The following RPS6KA6 variants were observed in gnomAD, a reference collection of about 807,000 sequenced individuals.
RPS6KA6 encodes ribosomal protein S6 kinase A6.
In RPS6KA6, 27 loss-of-function variants were observed where a neutral mutation model predicts 65.4. The observed-to-expected ratio is 0.41, with a 90% CI of 0.30 to 0.57. The LOEUF (loss-of-function observed/expected upper bound fraction) is 0.57. RPS6KA6 is among the 20% of genes least tolerant of loss of function. RPS6KA6 has a pLI of 0.24. For synonymous variants in RPS6KA6, 190 were observed against 184.2 expected (o/e 1.03, Z -0.26); for missense variants, 486 against 555.6 (o/e 0.87, Z 1.26).
At position 84,149,676 on chromosome X, in the gene RPS6KA6, C is replaced by G. The variant is rs770039571; in HGVS notation, c.259-1553G>C. Among the ~76,000 whole-genome samples, 109 of 111,176 alleles carry G rather than the reference C, an allele frequency of 9.8e-4. 1 individual carries two copies. The South Asian group carries it at 0.011, about 11-fold the overall frequency. On this transcript the variant is annotated intron_variant, in intron 3 of 21. Coordinates refer to ENST00000262752, the MANE Select transcript of RPS6KA6 (RefSeq NM_014496.5). ...AGGTCTCAACAGTGGGCTTAAAATA[C>G]TTAGCACACCATGCTATAAACAGAT...
At chrX:84,093,269 A>G (rs1216811870) in intron 20 of RPS6KA6, among the ~76,000 whole-genome samples, 1 of 112,150 alleles carries the variant, frequency 8.9e-6, no homozygotes, top group Non-Finnish European at 1.9e-5. Context: ...TAAATAATCT[A>G]TGTCTGATGG....
intron 20 of RPS6KA6, among the ~76,000 whole-genome samples, chrX:84,085,816 T>C (rs1016276842): frequency 2.7e-5 from 3 of 111,776 alleles, no homozygotes; most frequent in African/African-American, 9.8e-5. Context: ...CCTGGGCTTT[T>C]TTGGTTGGTA....
At chrX:84,088,398 G>A (rs1316804354) in intron 20 of RPS6KA6, among the ~76,000 whole-genome samples, 2 of 111,735 alleles carry the variant, frequency 1.8e-5, no homozygotes, top group East Asian at 5.7e-4. Flanking sequence ...TGGTTTGCTG[G>A]GGGACTGCTC....
In RPS6KA6 at chrX:84,173,401, C is replaced by G. The variant is rs768011160; in HGVS notation, c.82-9014G>C. On this transcript the variant is annotated intron_variant, in intron 1 of 21. Coordinates refer to ENST00000262752, the MANE Select transcript of RPS6KA6 (RefSeq NM_014496.5). ...ATTTCTTCATCTGTAAAATGAGCAACCTAGGATTGTCAGGATTCATACAAT... is the reference window on the plus strand; with the variant it reads ...ATTTCTTCATCTGTAAAATGAGCAAGCTAGGATTGTCAGGATTCATACAAT... Among the ~76,000 whole-genome samples the G allele has an allele frequency of 2.7e-5, 3 of 111,494 alleles. No individual in the cohort carries two copies. In the South Asian group the frequency reaches 1.1e-3, roughly 42 times the overall value.
At chrX:84,167,703 G>A (rs2035620036) in intron 1 of RPS6KA6, among the ~76,000 whole-genome samples, 1 of 111,158 alleles carries the variant, frequency 9.0e-6, no homozygotes, top group Non-Finnish European at 1.9e-5. Flanking sequence ...AAACTAAAAG[G>A]AATGGAGAAG....
In RPS6KA6 at chrX:84,060,702, A is replaced by G. The variant is rs1458606364; in HGVS notation, c.*3575T>C. 4.5e-5 allele frequency: 5 copies of G among 111,228 alleles called. No individual in the cohort carries two copies. Among genetic ancestry groups the G allele is most frequent in the Non-Finnish European group, 9.4e-5 (5 of 53,005 alleles). The allele number at this position is 111,228 out of a possible 1,213,427, so 9.2% of individuals were successfully genotyped here. ...AAGGAAGTAGGAAGGAAATTGTGCA[A>G]AAAAAGAAACAGTTTATTAGATACT... is the stretch of plus-strand genomic sequence containing the variant. On this transcript the variant is annotated 3_prime_UTR_variant, in exon 22 of 22. Coordinates refer to ENST00000262752, the MANE Select transcript of RPS6KA6 (RefSeq NM_014496.5).
intron 8 of RPS6KA6, among the ~76,000 whole-genome samples, chrX:84,133,551 CA>C (rs1175019715): frequency 1.8e-5 from 2 of 110,971 alleles, no homozygotes; most frequent in Non-Finnish European, 3.8e-5. Flanking sequence ...ACACTAAATA[CA>C]AATAAACTTG....
At chrX:84,179,889 A>G (rs954664414) in intron 1 of RPS6KA6, among the ~76,000 whole-genome samples, 1 of 112,206 alleles carries the variant, frequency 8.9e-6, no homozygotes, top group Non-Finnish European at 1.9e-5. Context: ...TTCATTCATC[A>G]CTGCATCTAC....
intron 20 of RPS6KA6, among the ~76,000 whole-genome samples, chrX:84,086,756 A>G (rs763505307): frequency 1.8e-5 from 2 of 110,453 alleles, no homozygotes; most frequent in South Asian, 7.7e-4. Flanking sequence ...ATATTGTCAC[A>G]GGAGTTCTAA....
At position 84,060,038 on chromosome X, in the gene RPS6KA6, T is replaced by A. The variant is rs1048512349; in HGVS notation, c.*4239A>T. On this transcript the variant is annotated 3_prime_UTR_variant, in exon 22 of 22. Coordinates refer to ENST00000262752, the MANE Select transcript of RPS6KA6 (RefSeq NM_014496.5). ...AAACTGAATTTTAGGTGATCAAGCA[T>A]AACATTTTATTGAAAGTATATGATG... is the stretch of plus-strand genomic sequence containing the variant. 8.9e-6 allele frequency: 1 copy of A among 111,827 alleles called. No individual in the cohort carries two copies. Among genetic ancestry groups the A allele is most frequent in the Non-Finnish European group, 1.9e-5 (1 of 53,168 alleles). The allele number at this position is 111,827 out of a possible 1,213,427, so 9.2% of individuals were successfully genotyped here.
At chrX:84,064,906 T>C in intron 21 of RPS6KA6, 65 bp downstream of exon 21, 2 of 816,606 alleles carry the variant, frequency 2.4e-6, no homozygotes, top group Non-Finnish European at 1.8e-6. Context: ...CATCAGCAAG[T>C]GGCACACAAT....
intron 9 of RPS6KA6, among the ~76,000 whole-genome samples, chrX:84,118,713 C>G (rs1195115212): frequency 9.0e-6 from 1 of 111,589 alleles, no homozygotes; most frequent in Admixed American, 9.5e-5. Flanking sequence ...AATTTGCTAC[C>G]AAGGTTAACA....
intron 12 of RPS6KA6, among the ~76,000 whole-genome samples, chrX:84,112,658 C>G (rs1478176164): frequency 1.8e-5 from 2 of 111,796 alleles, no homozygotes; most frequent in African/African-American, 6.5e-5. Context: ...GTCTGAGACA[C>G]AGCTAAAGCA....
chrX:84,085,388 G>A (rs2033896714), intron 20 of RPS6KA6, among the ~76,000 whole-genome samples: 1 of 111,471 alleles, frequency 9.0e-6, no homozygotes, highest in African/African-American at 3.3e-5. Context: ...CCAGTTTATT[G>A]AGCATTTTTA....
chrX:84,130,455 T>G (rs1020854464), intron 8 of RPS6KA6, among the ~76,000 whole-genome samples: 1 of 111,884 alleles, frequency 8.9e-6, no homozygotes, highest in Non-Finnish European at 1.9e-5. Context: ...TTTTCTCACT[T>G]AGTTAAATAT....
At chrX:84,120,418 G>C (rs2034648307) in intron 8 of RPS6KA6, among the ~76,000 whole-genome samples, 1 of 111,329 alleles carries the variant, frequency 9.0e-6, no homozygotes, top group African/African-American at 3.3e-5. Flanking sequence ...TTTGGCTTTG[G>C]TGAGCTTCCA....
chrX:84,073,041 G>A (rs923419799), intron 20 of RPS6KA6, among the ~76,000 whole-genome samples: 12 of 111,451 alleles, frequency 1.1e-4, no homozygotes, highest in African/African-American at 2.9e-4. Flanking sequence ...TATAAAATTC[G>A]TATGGAAGCA....
At chrX:84,165,777 T>C (rs925891297) in intron 1 of RPS6KA6, among the ~76,000 whole-genome samples, 1 of 111,401 alleles carries the variant, frequency 9.0e-6, no homozygotes, top group Admixed American at 9.6e-5. Context: ...AGGTAATCCC[T>C]GTTATTTTTT....
intron 5 of RPS6KA6, among the ~76,000 whole-genome samples, chrX:84,146,321 C>T (rs1410547535): frequency 9.0e-6 from 1 of 111,286 alleles, no homozygotes; most frequent in Admixed American, 9.6e-5. Flanking sequence ...GTCAAAATTA[C>T]ACTAAGAATA....
Sources: gnomAD v4.1 joint callset for allele counts (sites outside exome capture counted in the v4.1 genomes callset) on GRCh38, gnomAD v4.1.1 for gene constraint, MANE v1.5 for transcripts, NCBI Gene and HGNC (gene_info 2026-07-23, HGNC 2026-07-21) for gene names.